The following VPS35L variants were observed in gnomAD, a reference collection of about 807,000 sequenced individuals.
VPS35L encodes the protein VPS35 endosomal protein-sorting factor-like.
Under a neutral mutation model 133.0 loss-of-function variants are expected in VPS35L, and 83 were observed. The observed-to-expected ratio is 0.62, with a 90% CI of 0.52 to 0.75. The LOEUF (loss-of-function observed/expected upper bound fraction) is 0.75, where lower values mean the gene tolerates loss of function less well. Ranked by LOEUF, VPS35L falls within the 30% of genes least tolerant of loss-of-function variation. The pLI is 0.00. For synonymous variants in VPS35L, 423 were observed against 449.9 expected, an observed-to-expected ratio of 0.94 and a Z score of 0.76; for missense variants, 1,083 against 1,206.8, an observed-to-expected ratio of 0.90 and a Z score of 1.52.
intron 14 of VPS35L, among the ~76,000 whole-genome samples, chr16:19,621,704 T>G (rs368946782): frequency 4.6e-5 from 7 of 152,326 alleles, no homozygotes; most frequent in African/African-American, 1.7e-4. Context: ...ATCAGTAACC[T>G]CCAGCAGACC....
intron 26 of VPS35L, among the ~76,000 whole-genome samples, chr16:19,654,651 C>T (rs558847948): frequency 6.1e-4 from 93 of 151,980 alleles, no homozygotes; most frequent in South Asian, 1.7e-3. Context: ...AATTAGAAGA[C>T]GCTTCCTTGG....
At chr16:19,624,519 A>G (rs547280442) in intron 14 of VPS35L, among the ~76,000 whole-genome samples, 1 of 152,130 alleles carries the variant, frequency 6.6e-6, no homozygotes, top group African/African-American at 2.4e-5. Context: ...CAAGAGGCGG[A>G]GGTTCTGGTG....
intron 20 of VPS35L, 142 bp downstream of exon 20, chr16:19,637,798 T>A: frequency 1.9e-6 from 1 of 514,810 alleles, no homozygotes; most frequent in Non-Finnish European, 3.4e-6. Flanking sequence ...CTGATCAACT[T>A]AAGTATTTAT....
Position 19,627,772 on chromosome 16 carries a change from G to A in VPS35L, c.1350G>A (p.Met450Ile). 6.2e-7 allele frequency: 1 copy of A among 1,613,732 alleles called. No individual in the cohort carries two copies. The highest frequency in any genetic ancestry group is 1.1e-5 in the South Asian group (1 of 91,080). The change falls in exon 16 of 31, where the codon ATG becomes ATA. Residue 450 changes from methionine to isoleucine, a missense_variant. Physicochemically the swap from Met to Ile is conservative, Grantham distance 10 (BLOSUM62 1). Coordinates refer to ENST00000417362, the MANE Select transcript of VPS35L (RefSeq NM_020314.7). ...IATRSMDFIG[M>I]IKECDESGFP... ...CAAGGTCTATGGATTTCATTGGCAT[G>A]ATTAAAGAGTGTGATGAATCTGGTT...
At chr16:19,664,505 T>C (rs1390955074) in intron 26 of VPS35L, among the ~76,000 whole-genome samples, 1 of 149,506 alleles carries the variant, frequency 6.7e-6, no homozygotes. Context: ...CTGAGTGGGG[T>C]TTTTCTGGTT....
Position 19,700,852 on chromosome 16 carries a change from C to T in VPS35L, c.*376C>T. 1 of 199,872 alleles carries T rather than the reference C, an allele frequency of 5.0e-6. No homozygotes were observed. Among genetic ancestry groups the T allele is most frequent in the East Asian group, 1.2e-4 (1 of 8,348 alleles). 12.4% of individuals were successfully genotyped at this position (199,872 alleles called of 1,614,324 possible). A position where few individuals can be genotyped will look rare whatever the true frequency, so the allele number is the denominator to read the frequency against. ...AAATAAGGACTTTAAAAGTGGACTG[C>T]TTTTCAAAGTGCCACTGTTCCAGAC... On this transcript the variant is annotated 3_prime_UTR_variant, in exon 31 of 31. Transcript: ENST00000417362.
intron 6 of VPS35L, 125 bp from the exon 7 acceptor site, chr16:19,581,400 A>G (rs1010005617): frequency 2.6e-6 from 3 of 1,134,632 alleles, no homozygotes; most frequent in South Asian, 2.5e-5. Context: ...AAAGCTGTCA[A>G]TCCTGGCGGG....
intron 28 of VPS35L, among the ~76,000 whole-genome samples, chr16:19,690,667 C>T (rs371646920): frequency 4.3e-4 from 65 of 152,160 alleles, no homozygotes; most frequent in African/African-American, 1.5e-3. Flanking sequence ...AATATCATCT[C>T]TTGGCTGGGC....
At chr16:19,576,809 C>T (rs1199934751) in intron 5 of VPS35L, among the ~76,000 whole-genome samples, 2 of 151,838 alleles carry the variant, frequency 1.3e-5, no homozygotes, top group Middle Eastern at 6.3e-3. Context: ...TGGGTTCAAG[C>T]AATTCTCCCA....
At position 19,699,533 on chromosome 16, in the gene VPS35L, C is replaced by T; in HGVS notation, c.2678C>T (p.Ser893Phe). Residue 893 changes from serine (S) to phenylalanine (F), a missense_variant, in exon 30 of 31, where the codon TCC (serine) becomes TTC (phenylalanine). Physicochemically the swap from Ser to Phe is radical, Grantham distance 155 (BLOSUM62 -2). Transcript: ENST00000417362. This position sits in a 1 kb window ranked among gnomAD's most constrained non-coding sequence, Gnocchi z 4.2. ...AAGCGCCAGAGCTCGTTGGGCCTTT[C>T]CTTCTTTAACAGCATCTTGGCCCAT... The part of the protein sequence containing the change: ...ALKRQSSLGL[S>F]FFNSILAHGD... 1 of 1,614,190 alleles carries T rather than the reference C, an allele frequency of 6.2e-7. No individual in the cohort carries two copies. Among genetic ancestry groups the T allele is most frequent in the Non-Finnish European group, 8.5e-7 (1 of 1,180,030 alleles).
Position 19,628,118 on chromosome 16 carries a change from C to T in VPS35L, c.1383+313C>T, listed in dbSNP as rs114361894. ...CGGTGGCTCATGTTTATAATCCTAT[C>T]ACTTGGGAGGCCAGGGCAGGAGGAT... On this transcript the variant is annotated intron_variant, in intron 16 of 30. Coordinates refer to ENST00000417362, the MANE Select transcript of VPS35L (RefSeq NM_020314.7). Among the ~76,000 whole-genome samples, 1,338 of 152,194 alleles carry T rather than the reference C, an allele frequency of 8.8e-3. 27 individuals are homozygous for T. The highest frequency in any genetic ancestry group is 0.027 in the Middle Eastern group (8 of 294).
At chr16:19,582,653 CTA>C (rs1384214578) in intron 7 of VPS35L, among the ~76,000 whole-genome samples, 1 of 152,176 alleles carries the variant, frequency 6.6e-6, no homozygotes. Context: ...GAGTGAGAAA[CTA>C]TCTGAACTAA....
chr16:19,663,616 C>G (rs1352624315), intron 26 of VPS35L, among the ~76,000 whole-genome samples: 1 of 136,216 alleles, frequency 7.3e-6, no homozygotes, highest in Non-Finnish European at 1.5e-5. Context: ...ATAGATCTGC[C>G]TTATGCTCTT....
rs967753325 is a variant in VPS35L, at chr16:19,639,349, A to G, written c.1699-666A>G. 4.6e-5 allele frequency among the ~76,000 whole-genome samples: 7 copies of G among 151,860 alleles called. No individual in the cohort carries two copies. The highest frequency in any genetic ancestry group is 1.4e-4 in the African/African-American group (6 of 41,396). On this transcript the variant is annotated intron_variant, in intron 20 of 30. Transcript: ENST00000417362. The surrounding 1 kb of genome is among the most constrained non-coding windows in gnomAD (Gnocchi z 4.1). ...TTCGAGGCCATCTGTGAACAGCTCT[A>G]CTCTGACTCTTCTTCCATTGCTCAT...
At chr16:19,602,007 A>T (rs1597348391) in intron 9 of VPS35L, among the ~76,000 whole-genome samples, 1 of 152,024 alleles carries the variant, frequency 6.6e-6, no homozygotes, top group Non-Finnish European at 1.5e-5. Flanking sequence ...CTGCTGCTTG[A>T]CTTTAATATT....
In VPS35L at chr16:19,666,927, T is replaced by TCTTTCTTCCTTTCTTCCTTTCTTC; in HGVS notation, c.2222-2201_2222-2178dup. Among the ~76,000 whole-genome samples, 125 of 62,940 alleles carry TCTTTCTTCCTTTCTTCCTTTCTTC rather than the reference T, an allele frequency of 2.0e-3. 2 individuals carry two copies. Among genetic ancestry groups the TCTTTCTTCCTTTCTTCCTTTCTTC allele is most frequent in the African/African-American group, 7.7e-3 (102 of 13,286 alleles). The allele number at this position is 62,940 out of a possible 152,430, so 41.3% of individuals were successfully genotyped here. On this transcript the variant is annotated intron_variant, in intron 26 of 30. Transcript: ENST00000417362. ...TTCTTTCTTTCTTTCTTTCTTTCTT[T>TCTTTCTTCCTTTCTTCCTTTCTTC]CTTTCTTCCTTTCTTCCTTTCTTCC...
At chr16:19,666,038 T>C (rs9924508) in intron 26 of VPS35L, among the ~76,000 whole-genome samples, 13,930 of 152,218 alleles carry the variant, frequency 0.092, 868 homozygotes, top group East Asian at 0.21. Flanking sequence ...TAGATTTTTT[T>C]TCCTATAGAG....
chr16:19,576,548 T>C (rs747787794), intron 5 of VPS35L, among the ~76,000 whole-genome samples: 3 of 152,056 alleles, frequency 2.0e-5, no homozygotes, highest in African/African-American at 4.8e-5. Flanking sequence ...ACCCCAGAAT[T>C]CCTATTTTGA....
chr16:19,655,951 T>G (rs1011609595), intron 26 of VPS35L, among the ~76,000 whole-genome samples: 2 of 152,060 alleles, frequency 1.3e-5, no homozygotes, highest in African/African-American at 4.8e-5. Flanking sequence ...TCTTTACAGT[T>G]TATAATCTAG....
Sources: gnomAD v4.1 joint callset for allele counts (sites outside exome capture counted in the v4.1 genomes callset) on GRCh38, gnomAD v4.1.1 for gene constraint, Gnocchi (gnomAD v3.1) non-coding constraint, MANE v1.5 for transcripts, NCBI Gene and HGNC (gene_info 2026-07-23, HGNC 2026-07-21) for gene names.